MCF2L2: variants seen among roughly 807,000 people sequenced by gnomAD.
The protein encoded by MCF2L2 is MCF.2 cell line derived transforming sequence-like 2.
Under a neutral mutation model 150.2 loss-of-function variants are expected in MCF2L2, and 102 were observed. The ratio of observed to expected loss-of-function variants is 0.68; its 90% confidence interval spans 0.58 to 0.80. MCF2L2 has a LOEUF of 0.80. Ranked by LOEUF, MCF2L2 falls within the 30% of genes least tolerant of loss-of-function variation. MCF2L2 has a pLI of 0.00. For synonymous variants in MCF2L2, 465 were observed against 491.3 expected, an observed-to-expected ratio of 0.95 and a Z score of 0.71; for missense variants, 1,256 against 1,372.8, an observed-to-expected ratio of 0.91 and a Z score of 1.34.
At chr3:183,367,022 T>C (rs970348526) in intron 3 of MCF2L2, among the ~76,000 whole-genome samples, 3 of 152,196 alleles carry the variant, frequency 2.0e-5, no homozygotes. Context: ...AATTAAATTA[T>C]GGCATGATTT....
intron 3 of MCF2L2, chr3:183,374,273 A>T (rs1713061485): frequency 6.6e-6 from 1 of 152,186 alleles, no homozygotes; most frequent in Admixed American, 6.6e-5. Flanking sequence ...GTTTCTCAAT[A>T]CTGTCTGAAA....
At chr3:183,258,172 T>C (rs947138583) in intron 15 of MCF2L2, 1 of 152,268 alleles carries the variant, frequency 6.6e-6, no homozygotes, top group Non-Finnish European at 1.5e-5. Context: ...TTCACCATGT[T>C]AGCCAGGATG....
At chr3:183,269,243 T>TTTTTTTTTTTTTTTTTC (rs1726484669) in intron 15 of MCF2L2, among the ~76,000 whole-genome samples, 1 of 148,654 alleles carries the variant, frequency 6.7e-6, no homozygotes, top group Non-Finnish European at 1.5e-5. Flanking sequence ...TTTTTTTTTT[T>TTTTTTTTTTTTTTTTTC]TTTTTAAGAG....
intron 13 of MCF2L2, among the ~76,000 whole-genome samples, chr3:183,290,080 G>A (rs1036854991): frequency 5.3e-5 from 8 of 152,282 alleles, no homozygotes; most frequent in African/African-American, 1.7e-4. Flanking sequence ...GCTTATTACA[G>A]AAAATCTGAA....
chr3:183,329,337 C>A (rs1394821095), intron 5 of MCF2L2, among the ~76,000 whole-genome samples: 1 of 152,092 alleles, frequency 6.6e-6, no homozygotes, highest in African/African-American at 2.4e-5. Context: ...ACAGGCACAC[C>A]CACCATGCCC....
At position 183,270,270 on chromosome 3, in the gene MCF2L2, C is replaced by A. The variant is rs1560389304; in HGVS notation, c.1862+6602G>T. 1 of 1,614,134 alleles carries A rather than the reference C, an allele frequency of 6.2e-7. No homozygotes were observed. The highest frequency in any genetic ancestry group is 8.5e-7 in the Non-Finnish European group (1 of 1,180,004). On this transcript the variant is annotated intron_variant, in intron 15 of 29. Coordinates refer to ENST00000328913, the MANE Select transcript of MCF2L2 (RefSeq NM_015078.4). This position sits in a 1 kb window ranked among gnomAD's most constrained non-coding sequence, Gnocchi z 4.5. ...AGATCAAAGGTACAATGATATAATT[C>A]AGCAAGACTTTGTTGATTCTTTCTA...
intron 14 of MCF2L2, among the ~76,000 whole-genome samples, chr3:183,280,756 G>A (rs1324887070): frequency 6.6e-6 from 1 of 151,244 alleles, no homozygotes; most frequent in African/African-American, 2.4e-5. Context: ...GCTGAGGCAG[G>A]AGAATCGCTT....
intron 22 of MCF2L2, among the ~76,000 whole-genome samples, chr3:183,209,731 T>C (rs1429027262): frequency 6.6e-6 from 1 of 152,122 alleles, no homozygotes. Context: ...TCTGGTGATC[T>C]GCCCACCTCA....
chr3:183,340,486 C>G (rs940743451), intron 4 of MCF2L2, among the ~76,000 whole-genome samples: 4 of 152,068 alleles, frequency 2.6e-5, no homozygotes, highest in African/African-American at 9.7e-5. Context: ...AGAGGAAGGA[C>G]ACATCTACTT....
chr3:183,265,607 G>C (rs921702961), intron 15 of MCF2L2: 1 of 152,266 alleles, frequency 6.6e-6, no homozygotes, highest in Non-Finnish European at 1.5e-5. Flanking sequence ...GCGCAGGCCG[G>C]GGGAGGGCAG....
intron 14 of MCF2L2, among the ~76,000 whole-genome samples, chr3:183,282,181 T>TTA (rs1210378114): frequency 6.6e-6 from 1 of 151,588 alleles, no homozygotes; most frequent in Non-Finnish European, 1.5e-5. Context: ...TTATTTTATT[T>TTA]TATTTTATTT....
chr3:183,412,717 T>C (rs1715379478), intron 1 of MCF2L2, among the ~76,000 whole-genome samples: 1 of 152,164 alleles, frequency 6.6e-6, no homozygotes. Flanking sequence ...TTTTTTTATT[T>C]TTATTTTTTT....
rs529967421 is a variant in MCF2L2 at position 183,328,072 on chromosome 3, A to AT, written c.487-4722dup. On this transcript the variant is annotated intron_variant, in intron 5 of 29. Coordinates refer to ENST00000328913, the MANE Select transcript of MCF2L2 (RefSeq NM_015078.4). ...CTCACTGACCTCTGGGAAGAAGAAG[A>AT]TTAAACTCTATAGAAACTCTAGAAC... Among the ~76,000 whole-genome samples the AT allele has an allele frequency of 3.3e-5, 5 of 152,306 alleles. No individual in the cohort carries two copies. The South Asian group carries it at 1.0e-3, about 32-fold the overall frequency.
intron 25 of MCF2L2, among the ~76,000 whole-genome samples, chr3:183,204,796 C>T (rs189795010): frequency 2.6e-5 from 4 of 152,152 alleles, no homozygotes; most frequent in Non-Finnish European, 5.9e-5. Context: ...GATGGTATAT[C>T]CATACAATGG....
intron 15 of MCF2L2, among the ~76,000 whole-genome samples, chr3:183,249,896 AG>A (rs1339528346): frequency 6.6e-6 from 1 of 152,192 alleles, no homozygotes; most frequent in Non-Finnish European, 1.5e-5. Context: ...ATTCTGTGAC[AG>A]GCATTATTGT....
chr3:183,269,230 C>CTTTTT lies in MCF2L2; in HGVS notation c.1862+7637_1862+7641dup, dbSNP rs60835895. On this transcript the variant is annotated intron_variant, in intron 15 of 29. Coordinates refer to ENST00000328913, the MANE Select transcript of MCF2L2 (RefSeq NM_015078.4). ...TACACGATTATAGCCGTTTGGGAAGCTTTTTTTTTTTTTTTTTTAAGAGTA... is the reference window on the plus strand; with the variant it reads ...TACACGATTATAGCCGTTTGGGAAGCTTTTTTTTTTTTTTTTTTTTTTTAAGAGTA... Among the ~76,000 whole-genome samples, 31 of 80,998 alleles carry CTTTTT rather than the reference C, an allele frequency of 3.8e-4. 1 individual carries two copies. Among genetic ancestry groups the CTTTTT allele is most frequent in the East Asian group, 2.1e-3 (4 of 1,870 alleles). 53.1% of individuals were successfully genotyped at this position (80,998 alleles called of 152,430 possible).
At chr3:183,377,752 T>C (rs577029758) in intron 3 of MCF2L2, 11 of 151,734 alleles carry the variant, frequency 7.2e-5, no homozygotes, top group African/African-American at 1.9e-4. Flanking sequence ...GAGTTGAGGG[T>C]TGATGAATGT....
At chr3:183,299,723 C>T in intron 11 of MCF2L2, 1 of 360,702 alleles carries the variant, frequency 2.8e-6, no homozygotes. Flanking sequence ...TCCCACAGGG[C>T]CAAGCCAAAA....
intron 2 of MCF2L2, among the ~76,000 whole-genome samples, 161 bp from the exon 3 acceptor site, chr3:183,379,572 C>A (rs1713397406): frequency 6.6e-6 from 1 of 152,196 alleles, no homozygotes; most frequent in African/African-American, 2.4e-5. Context: ...ACAAGTCTCT[C>A]TTCTCATTCA....
Sources: allele counts gnomAD v4.1 joint callset (sites outside exome capture counted in the v4.1 genomes callset), GRCh38; gene constraint gnomAD v4.1.1; non-coding constraint Gnocchi (gnomAD v3.1); transcripts MANE v1.5; gene names NCBI Gene and HGNC (gene_info 2026-07-23, HGNC 2026-07-21).